Variants in LRRIQ3 observed in about 807,000 individuals in gnomAD.
LRRIQ3 encodes the protein leucine-rich repeat and IQ domain-containing protein 3.
LRRIQ3 carries 75 observed loss-of-function variants against 59.3 expected under a neutral mutation model. The ratio of observed to expected loss-of-function variants is 1.26; its 90% confidence interval spans 1.05 to 1.53. The LOEUF is 1.53. Among genes scored for constraint, LRRIQ3 ranks in the 40% most tolerant of loss-of-function variants. LRRIQ3 has a pLI of 0.00. For synonymous variants in LRRIQ3, 250 were observed against 231.3 expected (o/e 1.08, Z -0.73); for missense variants, 831 against 710.0 (o/e 1.17, Z -1.94).
At chr1:74,077,835 GA>G (rs920988501) in intron 5 of LRRIQ3, among the ~76,000 whole-genome samples, 2 of 151,938 alleles carry the variant, frequency 1.3e-5, no homozygotes, top group Non-Finnish European at 2.9e-5. Flanking sequence ...AAGGGAAAGA[GA>G]ATGTGTGCAC....
At chr1:74,114,683 A>C (rs1050718782) in intron 4 of LRRIQ3, among the ~76,000 whole-genome samples, 1 of 151,962 alleles carries the variant, frequency 6.6e-6, no homozygotes, top group East Asian at 1.9e-4. Context: ...TTCAGTGAGC[A>C]GAGACGGAGC....
At chr1:74,088,082 G>A (rs1223895766) in intron 5 of LRRIQ3, among the ~76,000 whole-genome samples, 1 of 151,788 alleles carries the variant, frequency 6.6e-6, no homozygotes, top group Non-Finnish European at 1.5e-5. Context: ...AACAGAGTGA[G>A]ACTCCATCAA....
intron 6 of LRRIQ3, among the ~76,000 whole-genome samples, chr1:74,046,394 T>A (rs1056657654): frequency 2.0e-5 from 3 of 152,200 alleles, no homozygotes; most frequent in African/African-American, 7.2e-5. Context: ...CTAGGAAAAC[T>A]GGCTAGCCAT....
chr1:74,142,118 G>A (rs553857994), intron 4 of LRRIQ3, among the ~76,000 whole-genome samples: 48 of 151,786 alleles, frequency 3.2e-4, no homozygotes, highest in Non-Finnish European at 5.7e-4. Context: ...GAGAGTGCAG[G>A]TATCTTTACA....
chr1:74,164,638 T>C (rs111569084), intron 3 of LRRIQ3, among the ~76,000 whole-genome samples: 9 of 151,690 alleles, frequency 5.9e-5, no homozygotes, highest in African/African-American at 2.2e-4. Context: ...ACAGGGTCTT[T>C]CATAGAGCAA....
At chr1:74,150,158 G>T (rs949005727) in intron 4 of LRRIQ3, among the ~76,000 whole-genome samples, 4 of 152,172 alleles carry the variant, frequency 2.6e-5, no homozygotes, top group Non-Finnish European at 4.4e-5. Context: ...AACTCTGGCA[G>T]CCATTTTGAC....
At chr1:74,124,062 T>C (rs1006822284) in intron 4 of LRRIQ3, among the ~76,000 whole-genome samples, 5 of 151,976 alleles carry the variant, frequency 3.3e-5, no homozygotes, top group African/African-American at 1.2e-4. Flanking sequence ...CCATTTTAAA[T>C]AGGGTGAGAT....
At chr1:74,166,185 G>C (rs894926475) in intron 3 of LRRIQ3, among the ~76,000 whole-genome samples, 1 of 151,392 alleles carries the variant, frequency 6.6e-6, no homozygotes, top group African/African-American at 2.4e-5. Flanking sequence ...ATCTAGTCTT[G>C]TATGTTTCTC....
At chr1:74,087,518 C>T (rs1346433362) in intron 5 of LRRIQ3, among the ~76,000 whole-genome samples, 1 of 146,116 alleles carries the variant, frequency 6.8e-6, no homozygotes, top group Non-Finnish European at 1.5e-5. Flanking sequence ...ATCTAAAATG[C>T]TATTTCATAA....
In LRRIQ3 at chr1:74,074,732, G is replaced by T; in HGVS notation, c.926C>A (p.Ser309Tyr). 1 of 1,449,160 alleles carries T rather than the reference G, an allele frequency of 6.9e-7. No homozygotes were observed. Among genetic ancestry groups the T allele is most frequent in the Non-Finnish European group, 9.3e-7 (1 of 1,071,564 alleles). The allele number at this position is 1,449,160 out of a possible 1,614,324, so 89.8% of individuals were successfully genotyped here. ...TTTTGGTTTTAATTCACATAAAATA[G>T]ATGACACATGTTTTCTGTGTTCACT... ...NSSEHRKHVS[S>Y]ILCELKPKDL... Residue 309 changes from serine to tyrosine, a missense_variant, in exon 6 of 8, where the codon TCT becomes TAT. Physicochemically the swap from Ser to Tyr is moderately radical, Grantham distance 144. Transcript: ENST00000354431.
intron 5 of LRRIQ3, chr1:74,109,125 TTAC>T (rs1557619302): frequency 4.8e-6 from 1 of 208,600 alleles, no homozygotes; most frequent in East Asian, 1.3e-4. Context: ...TACGTTATTA[TTAC>T]TACTTGTAAA....
intron 1 of LRRIQ3, among the ~76,000 whole-genome samples, chr1:74,193,085 T>C (rs2100745948): frequency 6.6e-6 from 1 of 152,290 alleles, no homozygotes; most frequent in Non-Finnish European, 1.5e-5. Flanking sequence ...TCTACCAAGT[T>C]GGAAGCCCTT....
At chr1:74,069,935 G>T (rs145746010) in intron 6 of LRRIQ3, among the ~76,000 whole-genome samples, 3 of 151,812 alleles carry the variant, frequency 2.0e-5, no homozygotes, top group African/African-American at 7.3e-5. Context: ...ATGCCATCTC[G>T]CATTAGTCAG....
chr1:74,156,370 G>C (rs370805479), intron 3 of LRRIQ3, among the ~76,000 whole-genome samples: 2 of 152,062 alleles, frequency 1.3e-5, no homozygotes, highest in South Asian at 2.1e-4. Context: ...AAATTACCCA[G>C]CCTCAGGTAT....
At chr1:74,036,863 A>G (rs1278593121) in intron 7 of LRRIQ3, among the ~76,000 whole-genome samples, 2 of 152,242 alleles carry the variant, frequency 1.3e-5, no homozygotes, top group Non-Finnish European at 2.9e-5. Context: ...ACTGCCATGA[A>G]TTAAGCACTT....
chr1:74,035,775 C>T (rs1468356107), intron 7 of LRRIQ3, among the ~76,000 whole-genome samples: 3 of 152,076 alleles, frequency 2.0e-5, no homozygotes, highest in Non-Finnish European at 2.9e-5. Flanking sequence ...GCACTGTCAA[C>T]TACTCTTCAT....
intron 4 of LRRIQ3, among the ~76,000 whole-genome samples, chr1:74,121,728 C>A (rs570463023): frequency 9.8e-6 from 1 of 102,256 alleles, no homozygotes; most frequent in Non-Finnish European, 1.8e-5. Flanking sequence ...TGCTATCCCT[C>A]CCCCCTCCCC....
At chr1:74,122,810 A>G (rs1203123471) in intron 4 of LRRIQ3, among the ~76,000 whole-genome samples, 1 of 152,146 alleles carries the variant, frequency 6.6e-6, no homozygotes, top group African/African-American at 2.4e-5. Flanking sequence ...AATGGCAACA[A>G]AAGCCAAAAT....
intron 7 of LRRIQ3, among the ~76,000 whole-genome samples, chr1:74,036,551 T>C (rs369860256): frequency 6.6e-6 from 1 of 152,350 alleles, no homozygotes; most frequent in African/African-American, 2.4e-5. Context: ...GTCTTTATTA[T>C]AGAAGTGTCA....
Sources: gnomAD v4.1 joint callset for allele counts (sites outside exome capture counted in the v4.1 genomes callset) on GRCh38, gnomAD v4.1.1 for gene constraint, MANE v1.5 for transcripts, NCBI Gene and HGNC (gene_info 2026-07-23, HGNC 2026-07-21) for gene names.